Variants in ANKRD13B observed in about 807,000 individuals in gnomAD.
ANKRD13B encodes ankyrin repeat domain-containing protein 13B.
Under a neutral mutation model 74.4 loss-of-function variants are expected in ANKRD13B, and 33 were observed. The observed-to-expected ratio is 0.44, with a 90% CI of 0.34 to 0.59. The LOEUF is 0.59. Among genes scored for constraint, ANKRD13B ranks in the 20% least tolerant of loss-of-function variants. The pLI is 0.02. For synonymous variants in ANKRD13B, 341 were observed against 362.9 expected, an observed-to-expected ratio of 0.94 and a Z score of 0.68; for missense variants, 676 against 877.9, an observed-to-expected ratio of 0.77 and a Z score of 2.91.
rs570187812 is a variant in ANKRD13B, at chr17:29,607,543, G to A, written c.115-199G>A. 1.8e-4 allele frequency among the ~76,000 whole-genome samples: 28 copies of A among 152,316 alleles called. No homozygotes were observed. In the South Asian group the frequency reaches 4.4e-3, roughly 24 times the overall value. On this transcript the variant is annotated intron_variant, in intron 1 of 14. Transcript: ENST00000394859. Reference sequence around the variant, plus strand: ...GTCTTCTAAGCCCCTTTCCATCCACGTGTCTGTCTTTCCGTTGCTCATAGT... The same window carrying A: ...GTCTTCTAAGCCCCTTTCCATCCACATGTCTGTCTTTCCGTTGCTCATAGT...
In ANKRD13B at chr17:29,609,590, A is replaced by G. The variant is rs1290297681; in HGVS notation, c.822+169A>G. On this transcript the variant is annotated intron_variant, in intron 7 of 14. Transcript: ENST00000394859. This position sits in a 1 kb window ranked among gnomAD's most constrained non-coding sequence, Gnocchi z 4.0. Reference sequence around the variant, plus strand: ...CTTCTCTGGTGTTTTATATGGATGTATGGATGTATACACAGGGCACGTGCA... The same window carrying G: ...CTTCTCTGGTGTTTTATATGGATGTGTGGATGTATACACAGGGCACGTGCA... Among the ~76,000 whole-genome samples the G allele has an allele frequency of 6.6e-6, 1 of 152,212 alleles. No homozygotes were observed. Among genetic ancestry groups the G allele is most frequent in the Non-Finnish European group, 1.5e-5 (1 of 68,034 alleles).
rs1472243407 is a variant in ANKRD13B, at chr17:29,612,514, A to C, written c.1371A>C (p.Pro457=). The C allele has an allele frequency of 3.2e-6, 5 of 1,571,956 alleles. No homozygotes were observed. The East Asian group carries it at 9.4e-5, about 30-fold the overall frequency. The part of the protein sequence containing the change: ...RGSPSSETPS[P]GSDSSSVSSS... ...GCCCCAGCAGCGAGACGCCTTCCCC[A>C]GGCAGCGACTCCTCCAGCGTCAGCA... is the stretch of plus-strand genomic sequence containing the variant. The change falls in exon 12 of 15, where the codon CCA becomes CCC. Residue 457 remains proline (P), a synonymous_variant. Transcript: ENST00000394859. This position sits in a 1 kb window ranked among gnomAD's most constrained non-coding sequence, Gnocchi z 6.1.
intron 1 of ANKRD13B, among the ~76,000 whole-genome samples, chr17:29,604,967 G>T (rs1371152392): frequency 6.6e-6 from 1 of 152,190 alleles, no homozygotes; most frequent in Non-Finnish European, 1.5e-5. Context: ...ACTCTAGGAG[G>T]CTGGAGCTTG....
rs1054935193 is a variant in ANKRD13B at position 29,593,274 on chromosome 17, C to G, written c.-348C>G. 6.7e-6 allele frequency among the ~76,000 whole-genome samples: 1 copy of G among 148,806 alleles called. No homozygotes were observed. Among genetic ancestry groups the G allele is most frequent in the Non-Finnish European group, 1.5e-5 (1 of 66,720 alleles). On this transcript the variant is annotated 5_prime_UTR_variant, in exon 1 of 15. Coordinates refer to ENST00000394859, the MANE Select transcript of ANKRD13B (RefSeq NM_152345.5). ...CCGGGGCCCGCGTCCCGTGCGCCCC[C>G]GCGCCCGCTGCGGGCGCCTGCTCCC...
intron 1 of ANKRD13B, among the ~76,000 whole-genome samples, chr17:29,601,897 G>T (rs949963904): frequency 6.6e-6 from 1 of 151,982 alleles, no homozygotes. Context: ...TCCTGTATCT[G>T]TTCTTCCATA....
At chr17:29,604,909 T>C (rs2034315428) in intron 1 of ANKRD13B, among the ~76,000 whole-genome samples, 1 of 152,234 alleles carries the variant, frequency 6.6e-6, no homozygotes, top group Non-Finnish European at 1.5e-5. Flanking sequence ...AGTTTAGCTC[T>C]ACTGCTAAGG....
Position 29,593,628 on chromosome 17 carries a change from C to T in ANKRD13B, c.7C>T (p.Pro3Ser), listed in dbSNP as rs966958899. 2.2e-6 allele frequency: 3 copies of T among 1,369,862 alleles called. No individual in the cohort carries two copies. Among genetic ancestry groups the T allele is most frequent in the Non-Finnish European group, 2.9e-6 (3 of 1,046,584 alleles). The allele number at this position is 1,369,862 out of a possible 1,614,324, so 84.9% of individuals were successfully genotyped here. The change falls in exon 1 of 15, where the codon CCC becomes TCC. Residue 3 changes from proline to serine, a missense_variant. Physicochemically the swap from Pro to Ser is moderately conservative, Grantham distance 74 (BLOSUM62 -1). This residue lies in a region of ANKRD13B where 88 missense variants were observed against 87.8 expected (regional missense o/e 1.00). Transcript: ENST00000394859. The part of the protein sequence containing the change: MI[P>S]ANASARKGPE... ...CCGGCATGAGGAGCGGGCGATGATC[C>T]CCGCCAACGCCTCCGCCAGGAAGGG...
intron 1 of ANKRD13B, among the ~76,000 whole-genome samples, chr17:29,605,684 ATCTCT>A: frequency 6.6e-6 from 1 of 152,036 alleles, no homozygotes; most frequent in East Asian, 1.9e-4. Flanking sequence ...GCCCAGGCTG[ATCTCT>A]AACTCCTGGG....
intron 1 of ANKRD13B, among the ~76,000 whole-genome samples, chr17:29,598,054 T>C (rs888843796): frequency 1.3e-5 from 2 of 152,102 alleles, no homozygotes; most frequent in African/African-American, 4.8e-5. Context: ...CCCAGTCAGC[T>C]CGGGCCCTGT....
rs2034636837 is a variant in ANKRD13B at position 29,612,729 on chromosome 17, G to C, written c.1489G>C (p.Glu497Gln). ...CTACAGCATGATGGGCGGCCAGCGG[G>C]AGGCGGCGACCCGGGACGACGACGA... ...RGYSMMGGQR[E>Q]AATRDDDDDL... is the part of the protein sequence containing the mutation. Residue 497 changes from glutamate (E) to glutamine (Q), a missense_variant, in exon 13 of 15, where the codon GAG becomes CAG. Around this residue, in one of 4 missense-constraint regions of ANKRD13B, gnomAD observed 152 missense variants for 181.4 expected, o/e 0.84. Coordinates refer to ENST00000394859, the MANE Select transcript of ANKRD13B (RefSeq NM_152345.5). This position sits in a 1 kb window ranked among gnomAD's most constrained non-coding sequence, Gnocchi z 6.1. The C allele has an allele frequency of 1.2e-6, 2 of 1,601,106 alleles. No homozygotes were observed. The highest frequency in any genetic ancestry group is 1.7e-6 in the Non-Finnish European group (2 of 1,178,666).
rs2034494641 is a variant in ANKRD13B, at chr17:29,609,245, A to G, written c.725A>G (p.Gln242Arg). 2 of 1,613,054 alleles carry G rather than the reference A, an allele frequency of 1.2e-6. No homozygotes were observed. The highest frequency in any genetic ancestry group is 1.7e-6 in the Non-Finnish European group (2 of 1,179,704). The change falls in exon 6 of 15, where the codon CAG (glutamine) becomes CGG (arginine). Residue 242 changes from glutamine (Q) to arginine (R), a missense_variant. Transcript: ENST00000394859. This position sits in a 1 kb window ranked among gnomAD's most constrained non-coding sequence, Gnocchi z 4.0. Reference sequence around the variant, plus strand: ...CTTACCGCGCCCGTCGTCACCACTCAGCTTGACACCAAGAATATCTCCTTT... The same window carrying G: ...CTTACCGCGCCCGTCGTCACCACTCGGCTTGACACCAAGAATATCTCCTTT... ...SRLTAPVVTTQLDTKNISFER... is the reference protein window; with the variant it reads ...SRLTAPVVTTRLDTKNISFER...
At position 29,597,985 on chromosome 17, in the gene ANKRD13B, A is replaced by AGCGGCT. The variant is rs1344790860; in HGVS notation, c.114+4259_114+4264dup. On this transcript the variant is annotated intron_variant, in intron 1 of 14. Coordinates refer to ENST00000394859, the MANE Select transcript of ANKRD13B (RefSeq NM_152345.5). ...AGCTCCCTAGGGTCTTATTAGCTGC[A>AGCGGCT]GCGGCTGCGGCTGCAGCATCTGGGG... 5.3e-5 allele frequency among the ~76,000 whole-genome samples: 8 copies of AGCGGCT among 151,992 alleles called. No homozygotes were observed. The South Asian group carries it at 1.0e-3, about 20-fold the overall frequency.
intron 14 of ANKRD13B, 191 bp from the exon 15 acceptor site, chr17:29,613,163 G>A: frequency 8.7e-7 from 1 of 1,148,458 alleles, no homozygotes; most frequent in Non-Finnish European, 1.2e-6. Flanking sequence ...CTCTCCCCAG[G>A]CATTGACGGG....
intron 7 of ANKRD13B, 41 bp from the exon 8 acceptor site, chr17:29,610,644 G>T: frequency 1.2e-6 from 2 of 1,600,496 alleles, no homozygotes; most frequent in South Asian, 2.2e-5. Flanking sequence ...CACAGGGTAA[G>T]ACCAGAACTG....
Position 29,611,867 on chromosome 17 carries a change from G to C in ANKRD13B, c.970-9G>C. On this transcript the variant is annotated splice_polypyrimidine_tract_variant and intron_variant, in intron 9 of 14. Coordinates refer to ENST00000394859, the MANE Select transcript of ANKRD13B (RefSeq NM_152345.5). The surrounding 1 kb of genome is among the most constrained non-coding windows in gnomAD (Gnocchi z 4.3). ...GGGGAGCTCCTGGGCCCCTCCCCAT[G>C]TGGTACAGACCCTGATCACTCAGAC... is the stretch of plus-strand genomic sequence containing the variant. The C allele has an allele frequency of 6.3e-7, 1 of 1,592,478 alleles. No individual in the cohort carries two copies. The highest frequency in any genetic ancestry group is 8.6e-7 in the Non-Finnish European group (1 of 1,168,740).
rs1475363564 is a variant in ANKRD13B, at chr17:29,611,212, C to A, written c.905-367C>A. On this transcript the variant is annotated intron_variant, in intron 8 of 14. Transcript: ENST00000394859. The surrounding 1 kb of genome is among the most constrained non-coding windows in gnomAD (Gnocchi z 4.3). Reference sequence around the variant, plus strand: ...TAATTTCTACCTCACAGGGGAACAACATGAAATCATGCCTATGGAAGTGCC... The same window carrying A: ...TAATTTCTACCTCACAGGGGAACAAAATGAAATCATGCCTATGGAAGTGCC... 6.6e-6 allele frequency among the ~76,000 whole-genome samples: 1 copy of A among 152,214 alleles called. No homozygotes were observed. The highest frequency in any genetic ancestry group is 1.5e-5 in the Non-Finnish European group (1 of 68,048).
chr17:29,596,059 C>A (rs577744421), intron 1 of ANKRD13B, among the ~76,000 whole-genome samples: 1 of 152,188 alleles, frequency 6.6e-6, no homozygotes, highest in Non-Finnish European at 1.5e-5. Flanking sequence ...TGGTACCAGC[C>A]GCCACAGAAA....
intron 1 of ANKRD13B, among the ~76,000 whole-genome samples, chr17:29,600,093 G>C (rs935468612): frequency 6.6e-6 from 1 of 151,932 alleles, no homozygotes; most frequent in Non-Finnish European, 1.5e-5. Context: ...AGCCAGGATG[G>C]TCTCGATCTC....
intron 1 of ANKRD13B, among the ~76,000 whole-genome samples, chr17:29,595,963 G>T (rs1370622320): frequency 2.0e-5 from 3 of 152,162 alleles, no homozygotes; most frequent in Non-Finnish European, 4.4e-5. Context: ...CTGCAAGGGG[G>T]ACCTGGGGAC....
Sources: allele counts gnomAD v4.1 joint callset (sites outside exome capture counted in the v4.1 genomes callset), GRCh38; gene constraint gnomAD v4.1.1; regional missense constraint gnomAD v4.1.1; non-coding constraint Gnocchi (gnomAD v3.1); transcripts MANE v1.5; gene names NCBI Gene and HGNC (gene_info 2026-07-23, HGNC 2026-07-21).